The following CLGN variants were observed in gnomAD, a reference collection of about 807,000 sequenced individuals.
CLGN encodes testis tissue sperm-binding protein Li 79P.
A neutral mutation model predicts 79.1 loss-of-function variants in CLGN; 62 were observed. The observed-to-expected ratio is 0.78, with a 90% CI of 0.64 to 0.97. The LOEUF (loss-of-function observed/expected upper bound fraction) is 0.97. Ranked by LOEUF, CLGN falls within the 50% of genes least tolerant of loss-of-function variation. CLGN has a pLI of 0.00. For missense variants in CLGN, 647 were observed against 715.5 expected (o/e 0.90, Z 1.09); for synonymous variants, 225 against 224.7 (o/e 1.00, Z -0.01).
chr4:140,420,880 T>C (rs567415920), intron 1 of CLGN, among the ~76,000 whole-genome samples: 8 of 152,160 alleles, frequency 5.3e-5, no homozygotes, highest in Non-Finnish European at 1.0e-4. Flanking sequence ...TAAAACATTC[T>C]CATTGTTGTA....
At position 140,392,386 on chromosome 4, in the gene CLGN, A is replaced by G. The variant is rs1560738030; in HGVS notation, c.1492-8T>C. The G allele has an allele frequency of 1.9e-6, 3 of 1,576,344 alleles. No homozygotes were observed. The highest frequency in any genetic ancestry group is 8.6e-7 in the Non-Finnish European group (1 of 1,167,402). On this transcript the variant is annotated splice_polypyrimidine_tract_variant and splice_region_variant and intron_variant, in intron 12 of 14. Transcript: ENST00000325617. Reference sequence around the variant, plus strand: ...TGTATCTTTATGTTTTTTCTGTGGTAGTTAACATAAGTTATTTTTACTAAA... The same window carrying G: ...TGTATCTTTATGTTTTTTCTGTGGTGGTTAACATAAGTTATTTTTACTAAA...
At position 140,412,911 on chromosome 4, in the gene CLGN, T is replaced by C. The variant is rs776634440; in HGVS notation, c.144+24A>G. On this transcript the variant is annotated intron_variant, in intron 2 of 14. Transcript: ENST00000325617. Reference sequence around the variant, plus strand: ...TTGTACTATGTAAAGGAATAATTTATAACCCATTTCTCAATAACCATACCT... The same window carrying C: ...TTGTACTATGTAAAGGAATAATTTACAACCCATTTCTCAATAACCATACCT... 2.8e-4 allele frequency: 443 copies of C among 1,599,180 alleles called. 1 individual carries two copies. The highest frequency in any genetic ancestry group is 3.4e-4 in the Non-Finnish European group (399 of 1,168,522).
intron 8 of CLGN, among the ~76,000 whole-genome samples, chr4:140,396,609 T>G (rs987046773): frequency 6.6e-6 from 1 of 151,622 alleles, no homozygotes; most frequent in African/African-American, 2.4e-5. Flanking sequence ...CAGGCTGGAG[T>G]GCAATAGTGC....
Position 140,410,628 on chromosome 4 carries a change from T to A in CLGN, c.145-2A>T. Reference sequence around the variant, plus strand: ...AGGTTGAGGTGTCTTATATTTAATCTAGAAAAGAGATTTTCCAAGTCTAAA... The same window carrying A: ...AGGTTGAGGTGTCTTATATTTAATCAAGAAAAGAGATTTTCCAAGTCTAAA... On this transcript the variant is annotated splice_acceptor_variant, in intron 2 of 14. Coordinates refer to ENST00000325617, the MANE Select transcript of CLGN (RefSeq NM_004362.3). LOFTEE classifies it high-confidence loss of function. 1 of 1,525,556 alleles carries A rather than the reference T, an allele frequency of 6.6e-7. No individual in the cohort carries two copies. The highest frequency in any genetic ancestry group is 9.0e-7 in the Non-Finnish European group (1 of 1,106,830). The allele number at this position is 1,525,556 out of a possible 1,614,324, so 94.5% of individuals were successfully genotyped here.
chr4:140,409,942 A>G (rs1291237218), intron 3 of CLGN, 47 bp from the exon 4 acceptor site: 1 of 1,283,030 alleles, frequency 7.8e-7, no homozygotes, highest in Non-Finnish European at 1.1e-6. Flanking sequence ...CAATAAAAGC[A>G]GCAATTTATA....
intron 4 of CLGN, among the ~76,000 whole-genome samples, chr4:140,408,814 C>T (rs1209333773): frequency 6.7e-6 from 1 of 149,626 alleles, no homozygotes; most frequent in African/African-American, 2.5e-5. Context: ...AATCCCACTA[C>T]TGCTTTTTCT....
At chr4:140,395,159 G>GTTT (rs113807754) in intron 10 of CLGN, among the ~76,000 whole-genome samples, 1 of 147,448 alleles carries the variant, frequency 6.8e-6, no homozygotes, top group Non-Finnish European at 1.5e-5. Flanking sequence ...TTGTTTTTTT[G>GTTT]TTTTTTTGTT....
At chr4:140,418,337 C>T (rs1310011821) in intron 1 of CLGN, among the ~76,000 whole-genome samples, 1 of 148,180 alleles carries the variant, frequency 6.7e-6, no homozygotes, top group East Asian at 2.0e-4. Flanking sequence ...GCAACAAAAG[C>T]CAAAATTGAC....
chr4:140,415,767 C>A (rs1729316075), intron 1 of CLGN, among the ~76,000 whole-genome samples: 1 of 114,574 alleles, frequency 8.7e-6, no homozygotes, highest in African/African-American at 3.5e-5. Flanking sequence ...CTTTAACACC[C>A]CACTGTCAAC....
intron 5 of CLGN, among the ~76,000 whole-genome samples, chr4:140,404,928 TTACA>T (rs1729071215): frequency 6.6e-5 from 10 of 151,880 alleles, no homozygotes; most frequent in Admixed American, 6.6e-4. Flanking sequence ...AGTGCTGGGA[TTACA>T]CACATGAGGC....
chr4:140,400,341 A>G lies in CLGN; in HGVS notation c.694+16T>C. ...GCAAATATTTTTGAATACATGAATGAATTAAAAGGGTATACCAAGGGTATA... is the reference window on the plus strand; with the variant it reads ...GCAAATATTTTTGAATACATGAATGGATTAAAAGGGTATACCAAGGGTATA... On this transcript the variant is annotated intron_variant, in intron 7 of 14. Transcript: ENST00000325617. The G allele has an allele frequency of 6.5e-7, 1 of 1,541,482 alleles. No homozygotes were observed. The highest frequency in any genetic ancestry group is 8.8e-7 in the Non-Finnish European group (1 of 1,129,944).
chr4:140,405,989 A>G lies in CLGN; in HGVS notation c.372T>C (p.Ala124=). The change falls in exon 5 of 15, where the codon GCT becomes GCC. Residue 124 remains alanine (A), a synonymous_variant. Transcript: ENST00000325617. ...KSRAKHHAIS[A]VLAKPFIFAD... is the part of the protein sequence containing the mutation. ...CAAAAATGAATGGTTTTGCTAATAC[A>G]GCAGATATTGCATGATGCTTTGCTC... The G allele has an allele frequency of 6.2e-7, 1 of 1,613,558 alleles. No homozygotes were observed. The highest frequency in any genetic ancestry group is 8.5e-7 in the Non-Finnish European group (1 of 1,179,742).
At chr4:140,423,484 C>T (rs1304392285) in intron 1 of CLGN, among the ~76,000 whole-genome samples, 3 of 152,136 alleles carry the variant, frequency 2.0e-5, no homozygotes, top group Non-Finnish European at 4.4e-5. Flanking sequence ...TGGAATATTG[C>T]TCTGTAGTTT....
At chr4:140,419,353 T>G (rs930160059) in intron 1 of CLGN, among the ~76,000 whole-genome samples, 2 of 148,702 alleles carry the variant, frequency 1.3e-5, no homozygotes, top group Admixed American at 1.3e-4. Context: ...TAAAGTATAA[T>G]AAAAAAAAAA....
chr4:140,427,079 G>A (rs1404870955), intron 1 of CLGN, among the ~76,000 whole-genome samples: 1 of 148,062 alleles, frequency 6.8e-6, no homozygotes, highest in Non-Finnish European at 1.5e-5. Flanking sequence ...GCGCCCAGAC[G>A]CGCCCCGGGC....
At position 140,389,147 on chromosome 4, in the gene CLGN, T is replaced by G. The variant is rs184258758; in HGVS notation, c.*77A>C. 147 of 1,087,028 alleles carry G rather than the reference T, an allele frequency of 1.4e-4. No individual in the cohort carries two copies. The highest frequency in any genetic ancestry group is 1.9e-4 in the Non-Finnish European group (135 of 704,852). 67.3% of individuals were successfully genotyped at this position (1,087,028 alleles called of 1,614,324 possible). On this transcript the variant is annotated 3_prime_UTR_variant, in exon 15 of 15. Transcript: ENST00000325617. ...ATTAGAAACAGGATGTGCAGACTGA[T>G]TAAAGTTCAGGTCTGGCATGCTGAT... is the stretch of plus-strand genomic sequence containing the variant.
chr4:140,390,114 T>C (rs907622623), intron 14 of CLGN, among the ~76,000 whole-genome samples: 6 of 151,732 alleles, frequency 4.0e-5, no homozygotes, highest in Non-Finnish European at 7.4e-5. Context: ...TTCCATTTTA[T>C]ATCAGGACAC....
At chr4:140,422,182 C>T (rs1166123203) in intron 1 of CLGN, among the ~76,000 whole-genome samples, 2 of 152,102 alleles carry the variant, frequency 1.3e-5, no homozygotes, top group African/African-American at 4.8e-5. Flanking sequence ...ATTACTATAG[C>T]TTTGTAATAA....
intron 1 of CLGN, among the ~76,000 whole-genome samples, chr4:140,418,969 A>C (rs1195387474): frequency 1.3e-5 from 2 of 152,238 alleles, no homozygotes; most frequent in African/African-American, 4.8e-5. Flanking sequence ...TCCAACAATG[A>C]TAGAATGGAT....
Sources: gnomAD v4.1 joint callset for allele counts (sites outside exome capture counted in the v4.1 genomes callset) on GRCh38, gnomAD v4.1.1 for gene constraint, MANE v1.5 for transcripts, NCBI Gene and HGNC (gene_info 2026-07-23, HGNC 2026-07-21) for gene names.